TTLL6: variants seen among roughly 807,000 people sequenced by gnomAD.
The protein encoded by TTLL6 is tubulin polyglutamylase TTLL6.
Under a neutral mutation model 96.4 loss-of-function variants are expected in TTLL6, and 75 were observed. The ratio of observed to expected loss-of-function variants is 0.78; its 90% confidence interval spans 0.65 to 0.94. TTLL6 has a LOEUF of 0.94. Ranked by LOEUF, TTLL6 falls within the 40% of genes least tolerant of loss-of-function variation. The pLI is 0.00. For synonymous variants in TTLL6, 411 were observed against 419.4 expected, an observed-to-expected ratio of 0.98 and a Z score of 0.24; for missense variants, 1,030 against 1,093.0, an observed-to-expected ratio of 0.94 and a Z score of 0.81.
At position 48,804,784 on chromosome 17, in the gene TTLL6, CTCT is replaced by C. The variant is rs866513127; in HGVS notation, c.308_310del (p.Lys103del). 24 of 1,552,142 alleles carry C rather than the reference CTCT, an allele frequency of 1.5e-5. No homozygotes were observed. The highest frequency in any genetic ancestry group is 1.7e-5 in the Non-Finnish European group (20 of 1,147,132). On this transcript the variant is annotated inframe_deletion, in exon 2 of 16. Transcript: ENST00000393382. Reference sequence around the variant, plus strand: ...TTTCAATCCTAACCTCTTTTTCTTCCTCTTCTTCTTGCCTTGCTGCTGGGCATT... The same window carrying C: ...TTTCAATCCTAACCTCTTTTTCTTCCTCTTCTTGCCTTGCTGCTGGGCATT...
intron 3 of TTLL6, among the ~76,000 whole-genome samples, chr17:48,802,138 GAAAGAAAGAAAGAAAAT>G: frequency 9.1e-6 from 1 of 110,482 alleles, no homozygotes; most frequent in African/African-American, 3.2e-5. Flanking sequence ...AAGAAAGAAA[GAAAGAAAGAAAGAAAAT>G]AAAGGAACAT....
intron 3 of TTLL6, among the ~76,000 whole-genome samples, chr17:48,803,495 C>CAAA (rs34003967): frequency 7.3e-6 from 1 of 137,622 alleles, no homozygotes; most frequent in Non-Finnish European, 1.6e-5. Context: ...AAAAAAAAAA[C>CAAA]AAAAAAAAAA....
At chr17:48,777,456 C>T (rs926057939) in intron 13 of TTLL6, among the ~76,000 whole-genome samples, 3 of 151,032 alleles carry the variant, frequency 2.0e-5, no homozygotes, top group Non-Finnish European at 3.0e-5. Flanking sequence ...TTAGGCTGGG[C>T]GTGGTGGCTC....
intron 1 of TTLL6, among the ~76,000 whole-genome samples, chr17:48,814,153 T>C (rs2039631920): frequency 6.6e-6 from 1 of 152,048 alleles, no homozygotes; most frequent in East Asian, 1.9e-4. Flanking sequence ...ACCCCGTCTC[T>C]ACTAAAAATA....
chr17:48,768,782 T>G (rs1452235867), intron 15 of TTLL6, among the ~76,000 whole-genome samples: 1 of 152,048 alleles, frequency 6.6e-6, no homozygotes, highest in African/African-American at 2.4e-5. Context: ...GCACAAGGGA[T>G]CCTCCTGCCT....
intron 10 of TTLL6, among the ~76,000 whole-genome samples, chr17:48,789,102 A>T (rs1039112297): frequency 1.5e-5 from 2 of 134,860 alleles, no homozygotes; most frequent in South Asian, 5.3e-4. Context: ...GGACAGACAC[A>T]TCTTTCTTTA....
intron 2 of TTLL6, chr17:48,804,324 C>A (rs775285984): frequency 2.7e-5 from 13 of 486,732 alleles, no homozygotes; most frequent in East Asian, 2.4e-4. Flanking sequence ...AGAAAGTGGA[C>A]AAGCTTTCCT....
In TTLL6 at chr17:48,769,730, G is replaced by A. The variant is rs2038694130; in HGVS notation, c.2408C>T (p.Ser803Leu). 1 of 1,613,516 alleles carries A rather than the reference G, an allele frequency of 6.2e-7. No homozygotes were observed. Among genetic ancestry groups the A allele is most frequent in the East Asian group, 2.2e-5 (1 of 44,864 alleles). The change falls in exon 14 of 16, where the codon TCA becomes TTA. Residue 803 changes from serine (S) to leucine (L), a missense_variant and splice_region_variant. Ser to Leu is a moderately radical substitution (Grantham distance 145). Transcript: ENST00000393382. ...TCCCTGTACACACTGGCACTCACGT[G>A]ACAGGTTATTCATCCCCAGCTTGGG... is the stretch of plus-strand genomic sequence containing the variant. ...YNPKLGMNNL[S>L]QNPSLPGECH...
At chr17:48,802,313 A>T (rs960815048) in intron 3 of TTLL6, among the ~76,000 whole-genome samples, 2 of 152,208 alleles carry the variant, frequency 1.3e-5, no homozygotes, top group Non-Finnish European at 2.9e-5. Context: ...CTGAATGTTC[A>T]GGGAATATAA....
In TTLL6 at chr17:48,807,411, T is replaced by C. The variant is rs2039520690; in HGVS notation, c.104-2420A>G. ...CTGCCAAAATAATAATTTCTAAGCA[T>C]AATTATTCTAATATAATTGTAATCA... On this transcript the variant is annotated intron_variant, in intron 1 of 15. Coordinates refer to ENST00000393382, the MANE Select transcript of TTLL6 (RefSeq NM_001130918.3). Among the ~76,000 whole-genome samples the C allele has an allele frequency of 2.0e-5, 3 of 152,136 alleles. No homozygotes were observed. In the South Asian group the frequency reaches 6.2e-4, roughly 32 times the overall value.
intron 4 of TTLL6, 61 bp downstream of exon 4, chr17:48,801,464 A>T: frequency 6.4e-7 from 1 of 1,550,982 alleles, no homozygotes; most frequent in East Asian, 2.4e-5. Flanking sequence ...CAGGTGTAAA[A>T]ATGGGGCCCC....
intron 13 of TTLL6, among the ~76,000 whole-genome samples, chr17:48,775,720 T>C (rs757944893): frequency 6.6e-6 from 1 of 152,068 alleles, no homozygotes; most frequent in Non-Finnish European, 1.5e-5. Context: ...TTTGTATTTT[T>C]AGTAGAGATG....
At chr17:48,774,019 T>G (rs1597963613) in intron 13 of TTLL6, among the ~76,000 whole-genome samples, 1 of 140,768 alleles carries the variant, frequency 7.1e-6, no homozygotes, top group Non-Finnish European at 1.5e-5. Flanking sequence ...GAAGCGGAGG[T>G]TGCAGTGAGA....
chr17:48,766,913 C>T (rs193231657), intron 15 of TTLL6, among the ~76,000 whole-genome samples: 48 of 144,506 alleles, frequency 3.3e-4, no homozygotes, highest in African/African-American at 1.2e-3. Flanking sequence ...TACTTATTAC[C>T]CGTATGTTTT....
At chr17:48,790,248 C>T (rs1030958326) in intron 9 of TTLL6, 142 bp from the exon 10 acceptor site, 12 of 853,446 alleles carry the variant, frequency 1.4e-5, no homozygotes, top group Non-Finnish European at 2.1e-5. Flanking sequence ...GAGAGAGCAT[C>T]TGGACTAGAG....
In TTLL6 at chr17:48,788,119, A is replaced by G. The variant is rs575025284; in HGVS notation, c.1401-120T>C. ...GGAGGCCTTGCACATAATGGCGGTC[A>G]ATCAGGATTTGCTAAATAAATGCAT... On this transcript the variant is annotated intron_variant, in intron 10 of 15. Transcript: ENST00000393382. The G allele has an allele frequency of 2.8e-5, 25 of 885,274 alleles. No homozygotes were observed. In the African/African-American group the frequency reaches 4.0e-4, roughly 14 times the overall value. The allele number at this position is 885,274 out of a possible 1,614,324, so 54.8% of individuals were successfully genotyped here.
intron 13 of TTLL6, among the ~76,000 whole-genome samples, chr17:48,772,524 G>T (rs1030808174): frequency 2.6e-5 from 4 of 152,094 alleles, no homozygotes; most frequent in Non-Finnish European, 5.9e-5. Context: ...GAGGTCAAGA[G>T]ATCGAGACCA....
rs374051857 is a variant in TTLL6 at position 48,769,019 on chromosome 17, G to A, written c.2646C>T (p.Ile882=). ...TCCTCTCACATCCTTTTTGGCCAGA[G>A]ATCAGGCAATGGCTGTATGCTTCTT... ...QDQEAYSHCL[I]SGQKGCERS Residue 882 remains isoleucine, a synonymous_variant, in exon 15 of 16, where the codon ATC becomes ATT. Transcript: ENST00000393382. 71 of 1,613,940 alleles carry A rather than the reference G, an allele frequency of 4.4e-5. No homozygotes were observed. In the Middle Eastern group the frequency reaches 4.9e-4, roughly 11 times the overall value.
chr17:48,786,402 T>C (rs1337994151), intron 11 of TTLL6, 67 bp from the exon 12 acceptor site: 27 of 1,600,308 alleles, frequency 1.7e-5, no homozygotes, highest in Non-Finnish European at 2.1e-5. Context: ...GCATTCTCCT[T>C]GAGGGATGGA....
Sources: allele counts gnomAD v4.1 joint callset (sites outside exome capture counted in the v4.1 genomes callset), GRCh38; gene constraint gnomAD v4.1.1; transcripts MANE v1.5; gene names NCBI Gene and HGNC (gene_info 2026-07-23, HGNC 2026-07-21).